Variants in ZSWIM4 observed in about 807,000 individuals in gnomAD.
ZSWIM4 encodes the protein zinc finger SWIM domain-containing protein 4.
In ZSWIM4, 62 loss-of-function variants were observed where a neutral mutation model predicts 102.5. That is an observed-to-expected ratio of 0.60 (90% CI 0.49 to 0.75). The LOEUF (loss-of-function observed/expected upper bound fraction) is 0.75. Among genes scored for constraint, ZSWIM4 ranks in the 30% least tolerant of loss-of-function variants. The pLI is 0.00. For synonymous variants in ZSWIM4, 652 were observed against 674.5 expected (o/e 0.97, Z 0.52); for missense variants, 1,280 against 1,529.6 (o/e 0.84, Z 2.72).
chr19:13,804,338 C>CGG (rs1974853462), intron 2 of ZSWIM4, among the ~76,000 whole-genome samples: 1 of 122,916 alleles, frequency 8.1e-6, no homozygotes, highest in Non-Finnish European at 1.6e-5. Flanking sequence ...GGCATGGTGG[C>CGG]GCATGCCTGT....
chr19:13,805,366 C>T (rs567386479), intron 3 of ZSWIM4, among the ~76,000 whole-genome samples: 81 of 152,160 alleles, frequency 5.3e-4, no homozygotes, highest in African/African-American at 1.8e-3. Context: ...AATCAGCCTA[C>T]GGGCAGAGGG....
chr19:13,831,410 C>A lies in ZSWIM4; in HGVS notation c.*360C>A. 1 of 201,900 alleles carries A rather than the reference C, an allele frequency of 5.0e-6. No homozygotes were observed. Among genetic ancestry groups the A allele is most frequent in the Non-Finnish European group, 9.9e-6 (1 of 100,646 alleles). 12.5% of individuals were successfully genotyped at this position (201,900 alleles called of 1,614,324 possible). ...AGGCAGGACTTTCCAGAAATCGACC[C>A]TCTAAGTCAATGTAGCACATTTTCC... is the stretch of plus-strand genomic sequence containing the variant. On this transcript the variant is annotated 3_prime_UTR_variant, in exon 14 of 14. Coordinates refer to ENST00000590508, the MANE Select transcript of ZSWIM4 (RefSeq NM_001367834.3).
chr19:13,797,520 C>G (rs1974642796), intron 1 of ZSWIM4, among the ~76,000 whole-genome samples: 1 of 152,210 alleles, frequency 6.6e-6, no homozygotes, highest in Admixed American at 6.5e-5. Flanking sequence ...AATGTGCCAT[C>G]AAGGGTGTTC....
Position 13,814,609 on chromosome 19 carries a change from CT to C in ZSWIM4, c.1276del (p.Tyr426ThrfsTer77). ...LAGELHWNDAYLQRILASDSY... is the reference protein window; with the variant it reads ...LAGELHWNDAXLQRILASDSY... ...CTGGAGAGCTACACTGGAATGACGC[CT>C]ACCTGCAGAGGATCCTGGCCAGTGA... On this transcript the variant is annotated frameshift_variant, in exon 7 of 14. Transcript: ENST00000590508. LOFTEE classifies it high-confidence loss of function. The C allele has an allele frequency of 2.4e-6, 3 of 1,240,652 alleles. No homozygotes were observed. The highest frequency in any genetic ancestry group is 3.1e-6 in the Non-Finnish European group (3 of 956,768). The allele number at this position is 1,240,652 out of a possible 1,614,324, so 76.9% of individuals were successfully genotyped here. A position where few individuals can be genotyped will look rare whatever the true frequency, so the allele number is the denominator to read the frequency against.
At chr19:13,812,749 C>T (rs547939570) in intron 5 of ZSWIM4, among the ~76,000 whole-genome samples, 25 of 151,836 alleles carry the variant, frequency 1.6e-4, no homozygotes, top group African/African-American at 6.0e-4. Flanking sequence ...GGATTACAGG[C>T]GTGAGTCATC....
At position 13,832,230 on chromosome 19, in the gene ZSWIM4, C is replaced by CA. The variant is rs34724629; in HGVS notation, c.*1204dup. The CA allele has an allele frequency of 0.31, 16,943 of 54,364 alleles. 2,610 individuals carry two copies. The highest frequency in any genetic ancestry group is 0.4 in the Non-Finnish European group (12,185 of 30,124). 3.4% of individuals were successfully genotyped at this position (54,364 alleles called of 1,614,324 possible). ...CACACCCTCAACCTCGTTTCCTCCG[C>CA]AAAAAAAAAAAAAAAAAAAAAAAAT... On this transcript the variant is annotated 3_prime_UTR_variant, in exon 14 of 14. Transcript: ENST00000590508.
At chr19:13,820,196 C>T (rs577347433) in intron 10 of ZSWIM4, among the ~76,000 whole-genome samples, 18 of 152,094 alleles carry the variant, frequency 1.2e-4, no homozygotes, top group Admixed American at 2.0e-4. Context: ...CTCGCACAGC[C>T]GTGCTTTTTA....
chr19:13,814,701 G>A lies in ZSWIM4; in HGVS notation c.1367G>A (p.Arg456His), dbSNP rs749722763. ...GDKPTFDPQG[R>H]PLWLGEPFPT... ...AAACCGACTTTCGACCCCCAGGGCC[G>A]CCCACTGTGGCTGGGAGAACCTTTC... The change falls in exon 7 of 14, where the codon CGC (arginine) becomes CAC (histidine). Residue 456 changes from arginine to histidine, a missense_variant. Arg to His is a conservative substitution (Grantham distance 29). Coordinates refer to ENST00000590508, the MANE Select transcript of ZSWIM4 (RefSeq NM_001367834.3). The A allele has an allele frequency of 1.6e-5, 21 of 1,286,890 alleles. No individual in the cohort carries two copies. Among genetic ancestry groups the A allele is most frequent in the Middle Eastern group, 2.1e-4 (1 of 4,696 alleles). 79.7% of individuals were successfully genotyped at this position (1,286,890 alleles called of 1,614,324 possible). A position where few individuals can be genotyped will look rare whatever the true frequency, so the allele number is the denominator to read the frequency against.
chr19:13,803,918 A>C (rs1451968934), intron 2 of ZSWIM4, among the ~76,000 whole-genome samples: 1 of 149,324 alleles, frequency 6.7e-6, no homozygotes, highest in East Asian at 2.1e-4. Flanking sequence ...CTGGAGTGCA[A>C]TGGTGCGATC....
In ZSWIM4 at chr19:13,825,566, G is replaced by T; in HGVS notation, c.2232G>T (p.Leu744=). The T allele has an allele frequency of 1.2e-6, 2 of 1,614,088 alleles. No homozygotes were observed. The highest frequency in any genetic ancestry group is 1.7e-6 in the Non-Finnish European group (2 of 1,179,972). ...LTAAKGDPKW[L]HTVLGSIQQN... is the part of the protein sequence containing the mutation. ...TTCACCCAGGAGACCCCAAGTGGCT[G>T]CACACGGTACTGGGCTCCATCCAGC... The change falls in exon 12 of 14, where the codon CTG becomes CTT. Residue 744 remains leucine (L), a synonymous_variant. Coordinates refer to ENST00000590508, the MANE Select transcript of ZSWIM4 (RefSeq NM_001367834.3). The surrounding 1 kb of genome is among the most constrained non-coding windows in gnomAD (Gnocchi z 4.6).
At chr19:13,823,796 G>T (rs1412325982) in intron 11 of ZSWIM4, among the ~76,000 whole-genome samples, 1 of 152,204 alleles carries the variant, frequency 6.6e-6, no homozygotes, top group Non-Finnish European at 1.5e-5. Context: ...CATTTAAGCA[G>T]AGACCTGAAG....
chr19:13,795,640 C>T lies in ZSWIM4; in HGVS notation c.-9C>T, dbSNP rs1351574432. The T allele has an allele frequency of 1.4e-5, 8 of 576,318 alleles. No homozygotes were observed. Among genetic ancestry groups the T allele is most frequent in the East Asian group, 5.3e-5 (1 of 18,956 alleles). The allele number at this position is 576,318 out of a possible 1,614,324, so 35.7% of individuals were successfully genotyped here. ...GGCCCCGCCCCGGCCCTGGCCCCGG[C>T]CGGGCCGGATGGAACCCCCCGCGGC... On this transcript the variant is annotated 5_prime_UTR_variant, in exon 1 of 14. Transcript: ENST00000590508.
chr19:13,813,104 G>A lies in ZSWIM4; in HGVS notation c.1120G>A (p.Glu374Lys), dbSNP rs1477617485. Residue 374 changes from glutamate (E) to lysine (K), a missense_variant, in exon 6 of 14, where the codon GAA becomes AAA. Transcript: ENST00000590508. ...GGACAAGCTCGACGTCTGCCCACTG[G>A]AAGAGGGCAACTACTCCTTCGACGG... ...RWDKLDVCPL[E>K]EGNYSFDGPS... The A allele has an allele frequency of 2.5e-6, 4 of 1,613,972 alleles. No individual in the cohort carries two copies. The highest frequency in any genetic ancestry group is 3.4e-6 in the Non-Finnish European group (4 of 1,179,958).
At chr19:13,805,872 G>A (rs1974905649) in intron 3 of ZSWIM4, among the ~76,000 whole-genome samples, 1 of 151,316 alleles carries the variant, frequency 6.6e-6, no homozygotes, top group Non-Finnish European at 1.5e-5. Flanking sequence ...TCAGGAAGCT[G>A]AGGTGGGAGA....
intron 1 of ZSWIM4, among the ~76,000 whole-genome samples, chr19:13,797,707 C>T (rs528558672): frequency 6.6e-6 from 1 of 152,288 alleles, no homozygotes; most frequent in African/African-American, 2.4e-5. Context: ...GGCTGGAGTG[C>T]AGTGGCACGA....
chr19:13,817,077 A>AT, intron 7 of ZSWIM4, 139 bp from the exon 8 acceptor site: 1 of 1,214,250 alleles, frequency 8.2e-7, no homozygotes, highest in Non-Finnish European at 1.1e-6. Context: ...CAAAAAAAAA[A>AT]GTTGAAGGTG....
At position 13,795,762 on chromosome 19, in the gene ZSWIM4, C is replaced by G. The variant is rs1599572611; in HGVS notation, c.114C>G (p.Leu38=). The change falls in exon 1 of 14, where the codon CTC becomes CTG. Residue 38 remains leucine (L), a synonymous_variant. Transcript: ENST00000590508. ...GRGRPEALLD[L]SAKRVAESWA... is the part of the protein sequence containing the mutation. Reference sequence around the variant, plus strand: ...GCCGGCCCGAGGCGCTGCTGGACCTCAGCGCCAAGCGGGTAGCCGAGAGCT... The same window carrying G: ...GCCGGCCCGAGGCGCTGCTGGACCTGAGCGCCAAGCGGGTAGCCGAGAGCT... 1 of 1,244,664 alleles carries G rather than the reference C, an allele frequency of 8.0e-7. No individual in the cohort carries two copies. The highest frequency in any genetic ancestry group is 1.5e-5 in the African/African-American group (1 of 65,066). The allele number at this position is 1,244,664 out of a possible 1,614,324, so 77.1% of individuals were successfully genotyped here.
Position 13,830,312 on chromosome 19 carries a change from C to T in ZSWIM4, c.2583C>T (p.Asp861=). 1.2e-6 allele frequency: 2 copies of T among 1,613,750 alleles called. No individual in the cohort carries two copies. The highest frequency in any genetic ancestry group is 1.7e-6 in the Non-Finnish European group (2 of 1,180,032). The change falls in exon 14 of 14, where the codon GAC becomes GAT. Residue 861 remains aspartate (D), a synonymous_variant. Coordinates refer to ENST00000590508, the MANE Select transcript of ZSWIM4 (RefSeq NM_001367834.3). ...CCACTCTGCTGCGACTGCAGCTGGACACATCGCGGAGGGAGGAGCTCTGGG... is the reference window on the plus strand; with the variant it reads ...CCACTCTGCTGCGACTGCAGCTGGATACATCGCGGAGGGAGGAGCTCTGGG... ...THATLLRLQL[D]TSRREELWAC... is the part of the protein sequence containing the mutation.
Position 13,830,947 on chromosome 19 carries a change from C to T in ZSWIM4, c.3218C>T (p.Ala1073Val), listed in dbSNP as rs149425260. ...LGKARETFLL[A>V]PDGHLQFSQF... is the part of the protein sequence containing the mutation. ...AAGGCCCGGGAGACCTTCCTGCTGG[C>T]GCCCGACGGGCACCTCCAGTTCTCA... Residue 1073 changes from alanine (A) to valine (V), a missense_variant, in exon 14 of 14, where the codon GCG becomes GTG. Transcript: ENST00000590508. 64 of 1,614,062 alleles carry T rather than the reference C, an allele frequency of 4.0e-5. No individual in the cohort carries two copies. Among genetic ancestry groups the T allele is most frequent in the Non-Finnish European group, 4.7e-5 (55 of 1,180,032 alleles).
Sources: allele counts gnomAD v4.1 joint callset (sites outside exome capture counted in the v4.1 genomes callset), GRCh38; gene constraint gnomAD v4.1.1; non-coding constraint Gnocchi (gnomAD v3.1); transcripts MANE v1.5; gene names NCBI Gene and HGNC (gene_info 2026-07-23, HGNC 2026-07-21).